The following PMM2 variants were observed in gnomAD, a reference collection of about 807,000 sequenced individuals.
PMM2 encodes phosphomannomutase 2.
Under a neutral mutation model 33.2 loss-of-function variants are expected in PMM2, and 35 were observed. That is an observed-to-expected ratio of 1.06 (90% CI 0.81 to 1.40). The LOEUF is 1.40. PMM2 is among the 40% of genes most tolerant of loss of function. The pLI is 0.00. For missense variants in PMM2, 386 were observed against 306.0 expected (o/e 1.26, Z -1.95); for synonymous variants, 153 against 114.7 (o/e 1.33, Z -2.13).
chr16:8,842,457 C>T (rs1657352370), intron 7 of PMM2: 1 of 152,182 alleles, frequency 6.6e-6, no homozygotes, highest in Non-Finnish European at 1.5e-5. Context: ...TCCCTGAAAC[C>T]TTGTGGCAGC....
At chr16:8,841,375 A>G (rs1276863548) in intron 7 of PMM2, among the ~76,000 whole-genome samples, 2 of 151,180 alleles carry the variant, frequency 1.3e-5, no homozygotes, top group South Asian at 2.1e-4. Flanking sequence ...ATCTAGTGAA[A>G]GTGTCTACTT....
At chr16:8,819,870 T>C (rs1258992838) in intron 7 of PMM2, among the ~76,000 whole-genome samples, 2 of 152,096 alleles carry the variant, frequency 1.3e-5, no homozygotes, top group African/African-American at 4.8e-5. Context: ...CAGTGGGAAG[T>C]CCAGGGTCTC....
intron 7 of PMM2, among the ~76,000 whole-genome samples, chr16:8,815,645 T>G (rs746301080): frequency 1.2e-4 from 19 of 152,190 alleles, no homozygotes; most frequent in Non-Finnish European, 1.6e-4. Context: ...GATACCTCTC[T>G]GAGATCCTGA....
chr16:8,831,010 A>C (rs1341428620), intron 7 of PMM2, among the ~76,000 whole-genome samples: 1 of 152,202 alleles, frequency 6.6e-6, no homozygotes, highest in Non-Finnish European at 1.5e-5. Context: ...GTGGTGGTGC[A>C]CACCTGTAAT....
intron 7 of PMM2, among the ~76,000 whole-genome samples, chr16:8,837,855 G>T (rs562173203): frequency 1.1e-4 from 16 of 152,214 alleles, no homozygotes; most frequent in African/African-American, 3.8e-4. Context: ...ACCAAGGGAA[G>T]GCTGCCTTCC....
intron 6 of PMM2, among the ~76,000 whole-genome samples, chr16:8,811,946 C>A (rs2060680182): frequency 6.6e-6 from 1 of 152,194 alleles, no homozygotes. Flanking sequence ...GTTCTAAATT[C>A]TTACCCAACA....
rs1399632280 is a variant in PMM2 at position 8,848,049 on chromosome 16, A to C, written c.*224A>C. The C allele has an allele frequency of 3.3e-5, 18 of 553,516 alleles. No individual in the cohort carries two copies. Among genetic ancestry groups the C allele is most frequent in the Non-Finnish European group, 4.9e-5 (15 of 305,626 alleles). The allele number at this position is 553,516 out of a possible 1,614,324, so 34.3% of individuals were successfully genotyped here. A position where few individuals can be genotyped will look rare whatever the true frequency, so the allele number is the denominator to read the frequency against. ...ATGGCCCAGAGGAATGCCTCGCACA[A>C]AAGGTCTTCCCCACCCACCCCCAGC... On this transcript the variant is annotated 3_prime_UTR_variant, in exon 8 of 8. Coordinates refer to ENST00000268261, the MANE Select transcript of PMM2 (RefSeq NM_000303.3).
intron 7 of PMM2, chr16:8,832,381 C>G (rs938127811): frequency 2.0e-6 from 2 of 985,370 alleles, no homozygotes; most frequent in Non-Finnish European, 2.4e-6. Context: ...AATTGATTCT[C>G]CAGACCTAGC....
intron 7 of PMM2, among the ~76,000 whole-genome samples, chr16:8,820,348 C>CTTTTTTTTTTTTT (rs1451905873): frequency 7.6e-6 from 1 of 131,362 alleles, no homozygotes. Context: ...GGACACAGTT[C>CTTTTTTTTTTTTT]TTCTTTTTTT....
intron 7 of PMM2, among the ~76,000 whole-genome samples, chr16:8,821,557 A>G (rs939325838): frequency 1.1e-4 from 17 of 152,186 alleles, no homozygotes; most frequent in Non-Finnish European, 5.9e-5. Context: ...TGATGTCCGC[A>G]GAATCGGCAT....
chr16:8,836,360 C>T (rs2060847477), intron 7 of PMM2, among the ~76,000 whole-genome samples: 2 of 151,990 alleles, frequency 1.3e-5, no homozygotes, highest in Admixed American at 1.3e-4. Flanking sequence ...GAGTGGCTGC[C>T]AGGTGAGTTG....
intron 7 of PMM2, among the ~76,000 whole-genome samples, chr16:8,843,378 G>T (rs2060902782): frequency 6.6e-6 from 1 of 152,186 alleles, no homozygotes; most frequent in East Asian, 1.9e-4. Context: ...CAAGGAGTCA[G>T]TCAGAGAGCC....
At chr16:8,822,643 A>G (rs8045071) in intron 7 of PMM2, among the ~76,000 whole-genome samples, 3,618 of 152,316 alleles carry the variant, frequency 0.024, 140 homozygotes, top group African/African-American at 0.082. Context: ...GTTGGGTTTT[A>G]TAATACCTTA....
At chr16:8,825,316 C>G (rs1047781891) in intron 7 of PMM2, among the ~76,000 whole-genome samples, 2 of 151,826 alleles carry the variant, frequency 1.3e-5, no homozygotes, top group African/African-American at 2.4e-5. Context: ...CAGGCATGAG[C>G]CACTGTGCCC....
At position 8,821,101 on chromosome 16, in the gene PMM2, T is replaced by C. The variant is rs559688644; in HGVS notation, c.639+7995T>C. On this transcript the variant is annotated intron_variant, in intron 7 of 7. Coordinates refer to ENST00000268261, the MANE Select transcript of PMM2 (RefSeq NM_000303.3). ...GTGGATAGATCTGTCTTACTACTTA[T>C]TGCTGGGACCACATGATTTGAGACC... 1.2e-4 allele frequency among the ~76,000 whole-genome samples: 19 copies of C among 152,302 alleles called. No individual in the cohort carries two copies. The South Asian group carries it at 3.5e-3, about 28-fold the overall frequency.
At position 8,840,448 on chromosome 16, in the gene PMM2, G is replaced by C. The variant is rs148334223; in HGVS notation, c.640-7276G>C. Among the ~76,000 whole-genome samples the C allele has an allele frequency of 2.8e-3, 432 of 152,058 alleles. 5 individuals are homozygous for C. Among genetic ancestry groups the C allele is most frequent in the Admixed American group, 0.016 (248 of 15,262 alleles). ...TATAAGTAGTTGAGAATGGAGAATA[G>C]GAGTATGACCAGACAGAAGATAGTA... On this transcript the variant is annotated intron_variant, in intron 7 of 7. Coordinates refer to ENST00000268261, the MANE Select transcript of PMM2 (RefSeq NM_000303.3).
At chr16:8,804,580 C>T (rs979418050) in intron 2 of PMM2, among the ~76,000 whole-genome samples, 187 bp from the exon 3 acceptor site, 1 of 151,992 alleles carries the variant, frequency 6.6e-6, no homozygotes, top group Non-Finnish European at 1.5e-5. Context: ...AAATGTGTAA[C>T]CAAAAAGAGC....
chr16:8,847,605 G>A, intron 7 of PMM2, 119 bp from the exon 8 acceptor site: 1 of 752,626 alleles, frequency 1.3e-6, no homozygotes, highest in South Asian at 1.4e-5. Flanking sequence ...GGTAGCTGAA[G>A]AAACTCTCCC....
rs112969947 is a variant in PMM2 at position 8,804,609 on chromosome 16, C to A, written c.179-158C>A. Among the ~76,000 whole-genome samples the A allele has an allele frequency of 7.6e-4, 115 of 152,284 alleles. 1 individual carries two copies. Among genetic ancestry groups the A allele is most frequent in the Middle Eastern group, 3.4e-3 (1 of 294 alleles). ...AAAGAGCCATTAAAAAAACAAGGAA[C>A]TTTTTTCCATACTCTTCTCTTAGTC... On this transcript the variant is annotated intron_variant, in intron 2 of 7. Transcript: ENST00000268261.
Sources: allele counts gnomAD v4.1 joint callset (sites outside exome capture counted in the v4.1 genomes callset), GRCh38; gene constraint gnomAD v4.1.1; transcripts MANE v1.5; gene names NCBI Gene and HGNC (gene_info 2026-07-23, HGNC 2026-07-21).